FBRS: variants seen among roughly 807,000 people sequenced by gnomAD.
The protein encoded by FBRS is probable fibrosin-1.
Under a neutral mutation model 86.1 loss-of-function variants are expected in FBRS, and 15 were observed. That is an observed-to-expected ratio of 0.17 (90% confidence interval 0.12 to 0.27). The LOEUF is 0.27. Ranked by LOEUF, FBRS falls within the 10% of genes least tolerant of loss-of-function variation. FBRS has a pLI of 1.00. For missense variants in FBRS, 1,367 were observed against 1,301.6 expected (o/e 1.05, Z -0.77); for synonymous variants, 666 against 575.8 (o/e 1.16, Z -2.24).
chr16:30,661,094 GC>G, intron 2 of FBRS, 85 bp from the exon 3 acceptor site: 1 of 1,543,302 alleles, frequency 6.5e-7, no homozygotes, highest in South Asian at 1.2e-5. Context: ...GATCCTGGAG[GC>G]CCATGAGCGC....
In FBRS at chr16:30,665,423, C is replaced by T. The variant is rs2151270538; in HGVS notation, c.1704+22C>T. On this transcript the variant is annotated intron_variant, in intron 10 of 17. Coordinates refer to ENST00000356166, the MANE Select transcript of FBRS (RefSeq NM_001105079.3). This position sits in a 1 kb window ranked among gnomAD's most constrained non-coding sequence, Gnocchi z 4.1. Reference sequence around the variant, plus strand: ...CAAGGTGAGCTCCCAATCCAGACACCACCACCGCCTACCATCTTGACAAAC... The same window carrying T: ...CAAGGTGAGCTCCCAATCCAGACACTACCACCGCCTACCATCTTGACAAAC... 6.4e-7 allele frequency: 1 copy of T among 1,551,974 alleles called. No homozygotes were observed. The highest frequency in any genetic ancestry group is 8.7e-7 in the Non-Finnish European group (1 of 1,145,234).
intron 13 of FBRS, 131 bp downstream of exon 13, chr16:30,667,121 G>C: frequency 9.5e-7 from 1 of 1,052,316 alleles, no homozygotes; most frequent in Non-Finnish European, 1.4e-6. Context: ...CATCACTGCT[G>C]AACAGTTCTA....
intron 15 of FBRS, chr16:30,668,202 C>A (rs1045449815): frequency 1.1e-5 from 3 of 275,874 alleles, no homozygotes; most frequent in African/African-American, 2.2e-5. Context: ...TGGGTCCAGG[C>A]GGCTGGTGTT....
In FBRS at chr16:30,665,548, C is replaced by T; in HGVS notation, c.1705-90C>T. The T allele has an allele frequency of 6.8e-7, 1 of 1,473,004 alleles. No individual in the cohort carries two copies. The highest frequency in any genetic ancestry group is 9.3e-7 in the Non-Finnish European group (1 of 1,075,572). 91.2% of individuals were successfully genotyped at this position (1,473,004 alleles called of 1,614,324 possible). Reference sequence around the variant, plus strand: ...ACCCAGTTTTCTCCAAAGCCATGATCCCTCCCTGCCCAGTGTCCCAGCTTG... The same window carrying T: ...ACCCAGTTTTCTCCAAAGCCATGATTCCTCCCTGCCCAGTGTCCCAGCTTG... On this transcript the variant is annotated intron_variant, in intron 10 of 17. Coordinates refer to ENST00000356166, the MANE Select transcript of FBRS (RefSeq NM_001105079.3). This position sits in a 1 kb window ranked among gnomAD's most constrained non-coding sequence, Gnocchi z 4.1.
Position 30,659,713 on chromosome 16 carries a change from G to A in FBRS, c.195G>A (p.Arg65=). The A allele has an allele frequency of 9.0e-7, 1 of 1,110,468 alleles. No homozygotes were observed. The highest frequency in any genetic ancestry group is 1.3e-6 in the Non-Finnish European group (1 of 790,896). The allele number at this position is 1,110,468 out of a possible 1,614,324, so 68.8% of individuals were successfully genotyped here. A position where few individuals can be genotyped will look rare whatever the true frequency, so the allele number is the denominator to read the frequency against. ...SSSSSPPPPA[R]PWSSASSGER... ...CGTCGTCGCCGCCGCCGCCCGCCAGGCCTTGGTCGTCAGCTTCGTCTGGAG... is the reference window on the plus strand; with the variant it reads ...CGTCGTCGCCGCCGCCGCCCGCCAGACCTTGGTCGTCAGCTTCGTCTGGAG... The change falls in exon 1 of 18, where the codon AGG becomes AGA. Residue 65 remains arginine (R), a synonymous_variant. Transcript: ENST00000356166.
chr16:30,660,512 C>A, intron 2 of FBRS, 70 bp downstream of exon 2: 1 of 1,257,184 alleles, frequency 8.0e-7, no homozygotes, highest in Non-Finnish European at 1.0e-6. Context: ...TCAGCAACGC[C>A]ACTGCCCCTT....
chr16:30,669,231 T>TGCC lies in FBRS; in HGVS notation c.2538_2540dup (p.Ala849dup), dbSNP rs771062025. On this transcript the variant is annotated inframe_insertion, in exon 18 of 18. Transcript: ENST00000356166. This position sits in a 1 kb window ranked among gnomAD's most constrained non-coding sequence, Gnocchi z 5.9. ...CTGCCGCTGCTGCTGCCGCCGCCGC[T>TGCC]GCCGCCGCCGCAGCAGCCACTGGGC... The TGCC allele has an allele frequency of 9.7e-6, 15 of 1,545,640 alleles. No individual in the cohort carries two copies. Among genetic ancestry groups the TGCC allele is most frequent in the East Asian group, 7.4e-5 (3 of 40,798 alleles).
chr16:30,659,865 G>A lies in FBRS; in HGVS notation c.347G>A (p.Gly116Glu), dbSNP rs967036888. ...GAAGAGGAGGAGGAGGAGGAGGAGG[G>A]GGGCGCAGACGACGGCGAAGCCGAG... is the stretch of plus-strand genomic sequence containing the variant. ...GEEEEEEEEE[G>E]GADDGEAEEE... The change falls in exon 1 of 18, where the codon GGG (glycine) becomes GAG (glutamate). Residue 116 changes from glycine (G) to glutamate (E), a missense_variant. Coordinates refer to ENST00000356166, the MANE Select transcript of FBRS (RefSeq NM_001105079.3). The A allele has an allele frequency of 3.2e-6, 5 of 1,541,884 alleles. No homozygotes were observed. In the East Asian group the frequency reaches 7.4e-5, roughly 23 times the overall value.
chr16:30,661,250 C>G, intron 3 of FBRS, 35 bp downstream of exon 3: 1 of 1,550,910 alleles, frequency 6.4e-7, no homozygotes, highest in Non-Finnish European at 8.7e-7. Flanking sequence ...CCCCTCCCTG[C>G]TCCACCCTGG....
chr16:30,660,030 AG>A (rs1675397805), intron 1 of FBRS, 53 bp downstream of exon 1: 29 of 1,530,096 alleles, frequency 1.9e-5, no homozygotes, highest in Non-Finnish European at 2.6e-5. Flanking sequence ...GGCAGCAAGG[AG>A]GGGGCAGTGC....
chr16:30,668,818 A>G lies in FBRS; in HGVS notation c.2205A>G (p.Pro735=), dbSNP rs11538956. The G allele has an allele frequency of 5.0e-6, 8 of 1,598,186 alleles. No individual in the cohort carries two copies. The Admixed American group carries it at 1.2e-4, about 24-fold the overall frequency. The change falls in exon 17 of 18, where the codon CCA becomes CCG. Residue 735 remains proline, a synonymous_variant. Coordinates refer to ENST00000356166, the MANE Select transcript of FBRS (RefSeq NM_001105079.3). ...AGAAAGAAAGCCCAGGGGCCCCACC[A>G]GCCTTCGCCTCCCCACCGGACCCAT... The part of the protein sequence containing the change: ...FAQKESPGAP[P]AFASPPDPWG...
Position 30,664,393 on chromosome 16 carries a change from C to A in FBRS, c.1234C>A (p.Leu412Met). Residue 412 changes from leucine (L) to methionine (M), a missense_variant, in exon 7 of 18, where the codon CTG becomes ATG. Physicochemically the swap from Leu to Met is conservative, Grantham distance 15. Coordinates refer to ENST00000356166, the MANE Select transcript of FBRS (RefSeq NM_001105079.3). ...LSTHSFPPPG[L>M]RPPPPPHHPS... is the part of the protein sequence containing the mutation. ...CACCCACAGCTTTCCCCCTCCCGGGCTGCGGCCCCCCCCACCACCCCACCA... is the reference window on the plus strand; with the variant it reads ...CACCCACAGCTTTCCCCCTCCCGGGATGCGGCCCCCCCCACCACCCCACCA... 2 of 1,469,030 alleles carry A rather than the reference C, an allele frequency of 1.4e-6. No individual in the cohort carries two copies. The highest frequency in any genetic ancestry group is 1.8e-6 in the Non-Finnish European group (2 of 1,093,924). 91.0% of individuals were successfully genotyped at this position (1,469,030 alleles called of 1,614,324 possible).
Position 30,664,400 on chromosome 16 carries a change from C to CG in FBRS, c.1241_1242insG (p.Pro417ThrfsTer33). Reference sequence around the variant, plus strand: ...AGCTTTCCCCCTCCCGGGCTGCGGCCCCCCCCACCACCCCACCACCCCTCC... The same window carrying CG: ...AGCTTTCCCCCTCCCGGGCTGCGGCCGCCCCCCACCACCCCACCACCCCTCC... On this transcript the variant is annotated frameshift_variant, in exon 7 of 18. Coordinates refer to ENST00000356166, the MANE Select transcript of FBRS (RefSeq NM_001105079.3). LOFTEE classifies it high-confidence loss of function. 1.6e-6 allele frequency: 2 copies of CG among 1,256,000 alleles called. No homozygotes were observed. The highest frequency in any genetic ancestry group is 1.1e-6 in the Non-Finnish European group (1 of 908,408). The allele number at this position is 1,256,000 out of a possible 1,614,324, so 77.8% of individuals were successfully genotyped here.
In FBRS at chr16:30,662,587, G is replaced by A. The variant is rs1356400736; in HGVS notation, c.783G>A (p.Gly261=). Residue 261 remains glycine, a synonymous_variant, in exon 6 of 18, where the codon GGG becomes GGA. Transcript: ENST00000356166. ...CGGGCCCCCACGGCGCCTTCAATGG[G>A]AACTGTGAAGCAAAACTCTCCGTGG... ...KASGPHGAFN[G]NCEAKLSVVP... is the part of the protein sequence containing the mutation. 2 of 1,541,816 alleles carry A rather than the reference G, an allele frequency of 1.3e-6. No individual in the cohort carries two copies. The highest frequency in any genetic ancestry group is 1.8e-6 in the Non-Finnish European group (2 of 1,140,954).
rs1463298398 is a variant in FBRS, at chr16:30,669,662, T to C, written c.*17T>C. ...GACAGGTGAGGGGAACGGGGGGGGG[T>C]CGGGGCAAAGCTCCATCTCCCCTTC... On this transcript the variant is annotated 3_prime_UTR_variant, in exon 18 of 18. Coordinates refer to ENST00000356166, the MANE Select transcript of FBRS (RefSeq NM_001105079.3). The surrounding 1 kb of genome is among the most constrained non-coding windows in gnomAD (Gnocchi z 5.9). 6.4e-7 allele frequency: 1 copy of C among 1,562,196 alleles called. No individual in the cohort carries two copies. The highest frequency in any genetic ancestry group is 8.6e-7 in the Non-Finnish European group (1 of 1,161,976).
In FBRS at chr16:30,667,611, G is replaced by A; in HGVS notation, c.2063G>A (p.Ser688Asn). The change falls in exon 15 of 18, where the codon AGC (serine) becomes AAC (asparagine). Residue 688 changes from serine (S) to asparagine (N), a missense_variant. Transcript: ENST00000356166. ...GCCCACGGACCCTTCCTGAGCCCCAGCACCCACATTGGTAAGAGCCAAGGG... is the reference window on the plus strand; with the variant it reads ...GCCCACGGACCCTTCCTGAGCCCCAACACCCACATTGGTAAGAGCCAAGGG... ...PGAHGPFLSPSTHIDPFGRPT... is the reference protein window; with the variant it reads ...PGAHGPFLSPNTHIDPFGRPT... The A allele has an allele frequency of 6.5e-7, 1 of 1,531,254 alleles. No individual in the cohort carries two copies. The highest frequency in any genetic ancestry group is 8.8e-7 in the Non-Finnish European group (1 of 1,138,082). 94.9% of individuals were successfully genotyped at this position (1,531,254 alleles called of 1,614,324 possible).
chr16:30,666,307 G>T (rs2151271271), intron 11 of FBRS: 1 of 647,428 alleles, frequency 1.5e-6, no homozygotes, highest in East Asian at 2.7e-5. Flanking sequence ...CAGCTCCCTG[G>T]GGCTTGGTTC....
At chr16:30,668,675 G>A (rs1474596780) in intron 16 of FBRS, 32 bp downstream of exon 16, 1 of 1,590,064 alleles carries the variant, frequency 6.3e-7, no homozygotes. Flanking sequence ...TGGGGGGGCT[G>A]CGGCCACAGG....
intron 6 of FBRS, among the ~76,000 whole-genome samples, chr16:30,663,735 A>G (rs2052487647): frequency 6.6e-6 from 1 of 152,124 alleles, no homozygotes; most frequent in Non-Finnish European, 1.5e-5. Context: ...CGTCATTGTC[A>G]TTGTTATTAT....
Sources: gnomAD v4.1 joint callset for allele counts (sites outside exome capture counted in the v4.1 genomes callset) on GRCh38, gnomAD v4.1.1 for gene constraint, Gnocchi (gnomAD v3.1) non-coding constraint, MANE v1.5 for transcripts, NCBI Gene and HGNC (gene_info 2026-07-23, HGNC 2026-07-21) for gene names.